HERC1: variants seen among roughly 807,000 people sequenced by gnomAD.
HERC1 encodes probable E3 ubiquitin-protein ligase HERC1.
Under a neutral mutation model 554.3 loss-of-function variants are expected in HERC1, and 160 were observed. That is an observed-to-expected ratio of 0.29 (90% CI 0.25 to 0.33). The LOEUF (loss-of-function observed/expected upper bound fraction) is 0.33, where lower values mean the gene tolerates loss of function less well. Ranked by LOEUF, HERC1 falls within the 10% of genes least tolerant of loss-of-function variation. The pLI is 1.00. For missense variants in HERC1, 4,919 were observed against 5,918.5 expected (o/e 0.83, Z 5.54); for synonymous variants, 2,175 against 2,131.7 (o/e 1.02, Z -0.56).
At position 63,628,834 on chromosome 15, in the gene HERC1, T is replaced by C. The variant is rs200232684; in HGVS notation, c.12967-19A>G. The C allele has an allele frequency of 6.5e-4, 1,042 of 1,603,700 alleles. 1 individual carries two copies. The highest frequency in any genetic ancestry group is 8.1e-4 in the Non-Finnish European group (950 of 1,174,974). Reference sequence around the variant, plus strand: ...AGCCGAGCTGGGAATAAATCACAAATATACAGACATTCAATTAGAAAGAGG... The same window carrying C: ...AGCCGAGCTGGGAATAAATCACAAACATACAGACATTCAATTAGAAAGAGG... On this transcript the variant is annotated intron_variant, in intron 69 of 77. Coordinates refer to ENST00000443617, the MANE Select transcript of HERC1 (RefSeq NM_003922.4).
chr15:63,744,501 A>G (rs1596133625), intron 12 of HERC1, among the ~76,000 whole-genome samples: 1 of 151,918 alleles, frequency 6.6e-6, no homozygotes, highest in South Asian at 2.1e-4. Flanking sequence ...AGAGTCAAAA[A>G]CCTTAGAGGT....
chr15:63,626,704 C>A (rs375198275), intron 70 of HERC1, among the ~76,000 whole-genome samples: 27 of 152,210 alleles, frequency 1.8e-4, no homozygotes, highest in African/African-American at 6.5e-4. Flanking sequence ...ACAAGGCCTG[C>A]AGCCACAGCT....
At position 63,734,681 on chromosome 15, in the gene HERC1, T is replaced by C; in HGVS notation, c.2646+43A>G. The C allele has an allele frequency of 6.8e-7, 1 of 1,477,068 alleles. No homozygotes were observed. The highest frequency in any genetic ancestry group is 9.0e-7 in the Non-Finnish European group (1 of 1,116,250). The allele number at this position is 1,477,068 out of a possible 1,614,324, so 91.5% of individuals were successfully genotyped here. ...TTTATTTCCTTCTCAGTCCAAATTT[T>C]TAGGATACTACTGGTTTACTTACAC... is the stretch of plus-strand genomic sequence containing the variant. On this transcript the variant is annotated intron_variant, in intron 13 of 77. Transcript: ENST00000443617. This position sits in a 1 kb window ranked among gnomAD's most constrained non-coding sequence, Gnocchi z 4.6.
intron 71 of HERC1, among the ~76,000 whole-genome samples, chr15:63,624,805 A>G (rs1022958535): frequency 3.3e-5 from 5 of 152,264 alleles, no homozygotes; most frequent in African/African-American, 1.2e-4. Flanking sequence ...TTCTTCTGAT[A>G]AAATATATAA....
At chr15:63,616,354 A>G (rs2067818164) in intron 75 of HERC1, 76 bp downstream of exon 75, 3 of 1,471,590 alleles carry the variant, frequency 2.0e-6, no homozygotes, top group African/African-American at 1.4e-5. Context: ...CTGTATCTCA[A>G]TTTTACACAG....
chr15:63,641,078 C>T lies in HERC1; in HGVS notation c.11607+392G>A, dbSNP rs138610041. ...CAAAGATTTATCTAATAAGTGGAGA[C>T]GATATTCAGTCTGATACCCGCATCC... On this transcript the variant is annotated intron_variant, in intron 60 of 77. Transcript: ENST00000443617. Among the ~76,000 whole-genome samples, 6 of 152,192 alleles carry T rather than the reference C, an allele frequency of 3.9e-5. No homozygotes were observed. In the East Asian group the frequency reaches 1.2e-3, roughly 29 times the overall value.
intron 45 of HERC1, 111 bp downstream of exon 45, chr15:63,661,642 G>A (rs1233683345): frequency 8.9e-7 from 1 of 1,121,108 alleles, no homozygotes. Flanking sequence ...AGAATCACGG[G>A]ATTTCAGGGA....
chr15:63,700,160 T>C (rs979573036), intron 25 of HERC1, among the ~76,000 whole-genome samples: 2 of 152,134 alleles, frequency 1.3e-5, no homozygotes, highest in African/African-American at 2.4e-5. Context: ...TTAGTTGTCG[T>C]TGACTTTTAA....
rs2067469171 is a variant in HERC1 at position 63,608,646 on chromosome 15, T to C, written c.*435A>G. On this transcript the variant is annotated 3_prime_UTR_variant, in exon 78 of 78. Transcript: ENST00000443617. ...AATTCCTGAATCTGCTTTATTTCTC[T>C]GCATAAGGAACCCTGAACAGGCAAT... The C allele has an allele frequency of 6.4e-6, 1 of 155,412 alleles. No homozygotes were observed. Among genetic ancestry groups the C allele is most frequent in the South Asian group, 1.9e-4 (1 of 5,204 alleles). The allele number at this position is 155,412 out of a possible 1,614,324, so 9.6% of individuals were successfully genotyped here. A position where few individuals can be genotyped will look rare whatever the true frequency, so the allele number is the denominator to read the frequency against.
chr15:63,768,574 A>G lies in HERC1; in HGVS notation c.931-4383T>C, dbSNP rs535453454. On this transcript the variant is annotated intron_variant, in intron 2 of 77. Transcript: ENST00000443617. The stretch of plus-strand genomic sequence containing the variant: ...CGCAATTGTGATCTGTGGCTTCGTT[A>G]TCTAAAAGCCAACTCTAGTGATCAC... Among the ~76,000 whole-genome samples the G allele has an allele frequency of 3.3e-5, 5 of 152,368 alleles. No homozygotes were observed. In the East Asian group the frequency reaches 9.6e-4, roughly 29 times the overall value.
rs1362151066 is a variant in HERC1, at chr15:63,706,767, T to C, written c.4636+13A>G. 3 of 1,495,690 alleles carry C rather than the reference T, an allele frequency of 2.0e-6. No individual in the cohort carries two copies. Among genetic ancestry groups the C allele is most frequent in the Admixed American group, 2.0e-5 (1 of 50,294 alleles). The allele number at this position is 1,495,690 out of a possible 1,614,324, so 92.7% of individuals were successfully genotyped here. A position where few individuals can be genotyped will look rare whatever the true frequency, so the allele number is the denominator to read the frequency against. ...ACTAAGATATTTACTATGTTCTTAA[T>C]ACTTACACTTACCTCTCTTTCTGTG... On this transcript the variant is annotated intron_variant, in intron 25 of 77. Transcript: ENST00000443617.
chr15:63,651,758 G>T (rs56163012), intron 52 of HERC1, among the ~76,000 whole-genome samples: 2 of 152,268 alleles, frequency 1.3e-5, no homozygotes, highest in South Asian at 2.1e-4. Context: ...TAAAAATGCG[G>T]CTGGGCGTAG....
intron 64 of HERC1, 121 bp downstream of exon 64, chr15:63,637,384 A>T: frequency 1.3e-6 from 1 of 798,810 alleles, no homozygotes; most frequent in South Asian, 1.8e-5. Flanking sequence ...AAGGATTTAA[A>T]TGTAAGTGAA....
chr15:63,681,712 C>T (rs1341543851), intron 34 of HERC1, among the ~76,000 whole-genome samples: 1 of 152,074 alleles, frequency 6.6e-6, no homozygotes, highest in East Asian at 1.9e-4. Flanking sequence ...TGGTACATGT[C>T]AGGTTGAAGG....
At chr15:63,660,874 AACAC>A in intron 46 of HERC1, 95 bp downstream of exon 46, 1 of 730,002 alleles carries the variant, frequency 1.4e-6, no homozygotes, top group Admixed American at 2.4e-5. Context: ...CACAAATACA[AACAC>A]ACACACACAC....
chr15:63,736,802 TCAC>T, intron 12 of HERC1, among the ~76,000 whole-genome samples: 1 of 152,238 alleles, frequency 6.6e-6, no homozygotes, highest in South Asian at 2.1e-4. Context: ...AGATGGGGTT[TCAC>T]CATGTTGGGC....
intron 25 of HERC1, among the ~76,000 whole-genome samples, chr15:63,700,249 C>T (rs1200855900): frequency 6.6e-6 from 1 of 152,032 alleles, no homozygotes; most frequent in African/African-American, 2.4e-5. Flanking sequence ...ATCCACATTA[C>T]TAAGTGTAAC....
Position 63,756,274 on chromosome 15 carries a change from T to C in HERC1, c.1533+163A>G, listed in dbSNP as rs1327233558. On this transcript the variant is annotated intron_variant, in intron 5 of 77. Transcript: ENST00000443617. This position sits in a 1 kb window ranked among gnomAD's most constrained non-coding sequence, Gnocchi z 5.0. ...GAATATAAGAATTAAAATTCAATAA[T>C]GTATACAAAGGTGTTCTGTAAACTG... 3.9e-5 allele frequency among the ~76,000 whole-genome samples: 6 copies of C among 152,276 alleles called. No individual in the cohort carries two copies. Among genetic ancestry groups the C allele is most frequent in the Non-Finnish European group, 7.4e-5 (5 of 68,020 alleles).
chr15:63,831,296 A>G (rs1021317320), intron 1 of HERC1, among the ~76,000 whole-genome samples: 6 of 152,124 alleles, frequency 3.9e-5, no homozygotes, highest in African/African-American at 1.4e-4. Context: ...CCATAGAGAC[A>G]AGGTTTCACC....
Sources: gnomAD v4.1 joint callset for allele counts (sites outside exome capture counted in the v4.1 genomes callset) on GRCh38, gnomAD v4.1.1 for gene constraint, Gnocchi (gnomAD v3.1) non-coding constraint, MANE v1.5 for transcripts, NCBI Gene and HGNC (gene_info 2026-07-23, HGNC 2026-07-21) for gene names.